Variants in MAPRE3 observed in about 807,000 individuals in gnomAD.
The protein encoded by MAPRE3 is microtubule associated protein RP/EB family member 3.
A neutral mutation model predicts 30.5 loss-of-function variants in MAPRE3; 2 were observed. The ratio of observed to expected loss-of-function variants is 0.07; its 90% confidence interval spans 0.03 to 0.21. The LOEUF is 0.21. MAPRE3 is among the 10% of genes least tolerant of loss of function. MAPRE3 has a pLI of 1.00. For synonymous variants in MAPRE3, 110 were observed against 127.7 expected, an observed-to-expected ratio of 0.86 and a Z score of 0.93; for missense variants, 204 against 351.8, an observed-to-expected ratio of 0.58 and a Z score of 3.36.
chr2:27,025,426 G>C (rs946788134), intron 4 of MAPRE3, among the ~76,000 whole-genome samples, 157 bp from the exon 5 acceptor site: 2 of 152,206 alleles, frequency 1.3e-5, no homozygotes, highest in Non-Finnish European at 2.9e-5. Context: ...CCAAGACTCG[G>C]GGCCTAGCTG....
Position 27,026,622 on chromosome 2 carries a change from G to A in MAPRE3, c.*274G>A. ...TGCTGTGTCGCCCAACACTTCCCAG[G>A]GTGCTGCTGCCACCCGCCCCAGCCA... On this transcript the variant is annotated 3_prime_UTR_variant, in exon 7 of 7. Coordinates refer to ENST00000233121, the MANE Select transcript of MAPRE3 (RefSeq NM_012326.4). The A allele has an allele frequency of 2.6e-6, 1 of 390,556 alleles. No homozygotes were observed. Among genetic ancestry groups the A allele is most frequent in the Non-Finnish European group, 4.5e-6 (1 of 220,256 alleles). The allele number at this position is 390,556 out of a possible 1,614,324, so 24.2% of individuals were successfully genotyped here.
intron 1 of MAPRE3, among the ~76,000 whole-genome samples, chr2:26,984,405 AT>A (rs1165954736): frequency 6.6e-6 from 1 of 152,134 alleles, no homozygotes. Context: ...CTAACATATT[AT>A]TTTTTTTAAA....
chr2:27,005,891 A>G (rs1041381300), intron 1 of MAPRE3, among the ~76,000 whole-genome samples: 5 of 152,230 alleles, frequency 3.3e-5, no homozygotes, highest in Non-Finnish European at 7.3e-5. Context: ...CTTAAAACCA[A>G]GAGTGTGTCG....
intron 1 of MAPRE3, among the ~76,000 whole-genome samples, chr2:26,997,269 C>T (rs574733372): frequency 2.0e-4 from 30 of 152,204 alleles, no homozygotes; most frequent in Admixed American, 9.2e-4. Flanking sequence ...TTGTCCAATC[C>T]GCAGCCCATG....
intron 1 of MAPRE3, among the ~76,000 whole-genome samples, chr2:26,991,314 C>T (rs1005409963): frequency 3.3e-5 from 5 of 152,104 alleles, no homozygotes; most frequent in African/African-American, 7.2e-5. Context: ...CAGGGGAGGT[C>T]GGGTCTGCCA....
intron 1 of MAPRE3, among the ~76,000 whole-genome samples, chr2:26,990,909 A>C (rs1240900003): frequency 3.9e-5 from 6 of 152,290 alleles, no homozygotes; most frequent in Non-Finnish European, 8.8e-5. Context: ...GCCTGTCACC[A>C]GTGCCCAGCA....
intron 1 of MAPRE3, among the ~76,000 whole-genome samples, chr2:27,010,239 C>T (rs1473548082): frequency 1.3e-5 from 2 of 152,144 alleles, no homozygotes; most frequent in Non-Finnish European, 2.9e-5. Context: ...TTAGTTAAGA[C>T]TTTATTATAT....
intron 1 of MAPRE3, among the ~76,000 whole-genome samples, chr2:26,974,771 C>CCTCTGAAATAACAGA (rs1665984785): frequency 6.6e-6 from 1 of 152,014 alleles, no homozygotes; most frequent in Non-Finnish European, 1.5e-5. Flanking sequence ...TAATAACTAT[C>CCTCTGAAATAACAGA]TGTTTTACAG....
chr2:26,999,046 C>T (rs1197434988), intron 1 of MAPRE3, among the ~76,000 whole-genome samples: 3 of 151,916 alleles, frequency 2.0e-5, no homozygotes, highest in Admixed American at 6.6e-5. Context: ...CAAGCCAAGG[C>T]GGGGAGGGAT....
At chr2:26,988,317 G>T (rs1432353971) in intron 1 of MAPRE3, among the ~76,000 whole-genome samples, 2 of 151,924 alleles carry the variant, frequency 1.3e-5, no homozygotes, top group African/African-American at 4.8e-5. Flanking sequence ...TCTCTAGCTT[G>T]TTTTTTTTCA....
In MAPRE3 at chr2:27,024,185, T is replaced by C; in HGVS notation, c.357T>C (p.Tyr119=). ...TTAAGAAATTCTTTGACGCAAACTA[T>C]GATGGAAAGGATTACAACCCTCTGC... is the stretch of plus-strand genomic sequence containing the variant. The part of the protein sequence containing the change: ...QWFKKFFDAN[Y]DGKDYNPLLA... Residue 119 remains tyrosine, a synonymous_variant, in exon 4 of 7, where the codon TAT becomes TAC. Coordinates refer to ENST00000233121, the MANE Select transcript of MAPRE3 (RefSeq NM_012326.4). 6.2e-7 allele frequency: 1 copy of C among 1,614,228 alleles called. No individual in the cohort carries two copies. The highest frequency in any genetic ancestry group is 1.1e-5 in the South Asian group (1 of 91,082).
intron 1 of MAPRE3, among the ~76,000 whole-genome samples, chr2:26,982,492 A>T (rs1046286114): frequency 6.6e-6 from 1 of 152,222 alleles, no homozygotes; most frequent in Admixed American, 6.5e-5. Context: ...AAGCAGAAGT[A>T]TGGCTCCCTG....
chr2:26,984,424 T>C (rs927800873), intron 1 of MAPRE3, among the ~76,000 whole-genome samples: 1 of 152,212 alleles, frequency 6.6e-6, no homozygotes, highest in Non-Finnish European at 1.5e-5. Context: ...AAACATGGAA[T>C]CTAACTATTT....
chr2:26,993,626 C>T (rs1051422003), intron 1 of MAPRE3, among the ~76,000 whole-genome samples: 4 of 152,254 alleles, frequency 2.6e-5, no homozygotes, highest in Middle Eastern at 3.4e-3. Flanking sequence ...GGATGTGTAG[C>T]TCCTGCCTGA....
At chr2:27,009,174 A>G (rs377287960) in intron 1 of MAPRE3, among the ~76,000 whole-genome samples, 1 of 152,202 alleles carries the variant, frequency 6.6e-6, no homozygotes, top group East Asian at 1.9e-4. Flanking sequence ...CATGGAGTAT[A>G]TGCCAAAAAA....
intron 1 of MAPRE3, among the ~76,000 whole-genome samples, chr2:27,010,133 A>C (rs1666816875): frequency 6.6e-6 from 1 of 152,202 alleles, no homozygotes; most frequent in Non-Finnish European, 1.5e-5. Flanking sequence ...TTAATACAGT[A>C]ATTTTCCACA....
intron 1 of MAPRE3, among the ~76,000 whole-genome samples, chr2:27,011,499 A>G (rs1472510227): frequency 2.0e-5 from 3 of 152,186 alleles, no homozygotes; most frequent in Non-Finnish European, 4.4e-5. Flanking sequence ...ATGATGCCTC[A>G]CTGGGTGTTG....
At chr2:27,016,319 G>A (rs1226410843) in intron 1 of MAPRE3, among the ~76,000 whole-genome samples, 7 of 151,952 alleles carry the variant, frequency 4.6e-5, no homozygotes, top group Admixed American at 6.6e-5. Flanking sequence ...CATTCTCTCC[G>A]GGGAGGTGAA....
At chr2:26,989,365 G>T (rs1413419143) in intron 1 of MAPRE3, among the ~76,000 whole-genome samples, 1 of 152,072 alleles carries the variant, frequency 6.6e-6, no homozygotes, top group Non-Finnish European at 1.5e-5. Flanking sequence ...ACACTGCCTC[G>T]ATTAATAAGA....
Sources: allele counts gnomAD v4.1 joint callset (sites outside exome capture counted in the v4.1 genomes callset), GRCh38; gene constraint gnomAD v4.1.1; transcripts MANE v1.5; gene names NCBI Gene and HGNC (gene_info 2026-07-23, HGNC 2026-07-21).